Variants in ZXDC observed in about 807,000 individuals in gnomAD.
ZXDC encodes ZXD family zinc finger C.
ZXDC carries 58 observed loss-of-function variants against 63.6 expected under a neutral mutation model. The ratio of observed to expected loss-of-function variants is 0.91; its 90% CI spans 0.74 to 1.13. ZXDC has a LOEUF of 1.13. Ranked by LOEUF, ZXDC falls within the 50% of genes most tolerant of loss-of-function variation. The pLI is 0.00. For missense variants in ZXDC, 1,133 were observed against 1,148.9 expected (o/e 0.99, Z 0.20); for synonymous variants, 561 against 496.1 (o/e 1.13, Z -1.74).
Position 126,461,894 on chromosome 3 carries a change from C to A in ZXDC, c.1768G>T (p.Val590Phe). The A allele has an allele frequency of 6.2e-7, 1 of 1,614,232 alleles. No individual in the cohort carries two copies. ...ACACTGAAGCTGCCCTGCTGCAGAA[C>A]CGTGGCTGCTGTCCCGAGAACCAGA... ...SPLVLGTAAT[V>F]LQQGSFSVDD... The change falls in exon 6 of 10, where the codon GTT (valine) becomes TTT (phenylalanine). Residue 590 changes from valine (V) to phenylalanine (F), a missense_variant. Physicochemically the swap from Val to Phe is conservative, Grantham distance 50. Coordinates refer to ENST00000389709, the MANE Select transcript of ZXDC (RefSeq NM_025112.5).
At chr3:126,450,302 T>A (rs1265589415) in intron 7 of ZXDC, 2 of 456,388 alleles carry the variant, frequency 4.4e-6, no homozygotes, top group Non-Finnish European at 4.4e-6. Flanking sequence ...GGCAAAATTC[T>A]CCTGCCCCTA....
At chr3:126,457,622 A>C (rs2107643248) in intron 7 of ZXDC, 1 of 985,498 alleles carries the variant, frequency 1.0e-6, no homozygotes, top group South Asian at 4.7e-5. Flanking sequence ...CAGGATGCTA[A>C]GAAACTCACA....
At chr3:126,460,736 TGAAA>T (rs1934493820) in intron 6 of ZXDC, 8 of 985,330 alleles carry the variant, frequency 8.1e-6, no homozygotes, top group East Asian at 1.1e-4. Flanking sequence ...CCTCTCTGAC[TGAAA>T]GAAATGAAAG....
intron 5 of ZXDC, among the ~76,000 whole-genome samples, chr3:126,463,260 G>A (rs752230251): frequency 1.3e-5 from 2 of 151,962 alleles, no homozygotes; most frequent in African/African-American, 2.4e-5. Flanking sequence ...TAGTAGAGAC[G>A]GGGTTTCACC....
chr3:126,452,031 A>G (rs753381240), intron 7 of ZXDC: 83 of 984,992 alleles, frequency 8.4e-5, no homozygotes, highest in Middle Eastern at 1.0e-3. Flanking sequence ...TGGAATTCTA[A>G]TATTTTTTTT....
chr3:126,438,612 GTTC>G, intron 9 of ZXDC, 151 bp from the exon 10 acceptor site: 1 of 615,088 alleles, frequency 1.6e-6, no homozygotes, highest in Middle Eastern at 2.6e-4. Flanking sequence ...CTAAACACAT[GTTC>G]TTTGATGAAA....
intron 7 of ZXDC, among the ~76,000 whole-genome samples, chr3:126,445,841 G>GA (rs1933864906): frequency 6.6e-6 from 1 of 152,150 alleles, no homozygotes; most frequent in African/African-American, 2.4e-5. Flanking sequence ...GGTACACCCT[G>GA]AAGTCTGGTG....
At chr3:126,441,335 A>G in intron 8 of ZXDC, 1 of 1,006,252 alleles carries the variant, frequency 9.9e-7, no homozygotes, top group Non-Finnish European at 1.2e-6. Flanking sequence ...AGTGCGCCAC[A>G]AGCAGGCCGC....
intron 5 of ZXDC, among the ~76,000 whole-genome samples, chr3:126,462,861 G>T (rs934975163): frequency 3.3e-5 from 5 of 152,170 alleles, no homozygotes; most frequent in African/African-American, 1.2e-4. Flanking sequence ...CTAGGCAGAT[G>T]CACAAGACTT....
At chr3:126,460,151 T>C (rs1934467540) in intron 6 of ZXDC, 14 of 985,176 alleles carry the variant, frequency 1.4e-5, no homozygotes, top group Non-Finnish European at 1.7e-5. Flanking sequence ...GGTCCCACCT[T>C]AGAGACCCAC....
Position 126,440,810 on chromosome 3 carries a change from C to G in ZXDC, c.2394+955G>C, listed in dbSNP as rs1687441. 7.5e-3 allele frequency: 7,414 copies of G among 986,562 alleles called. 363 individuals are homozygous for G. In the African/African-American group the frequency reaches 0.11, roughly 15 times the overall value. 61.1% of individuals were successfully genotyped at this position (986,562 alleles called of 1,614,324 possible). On this transcript the variant is annotated intron_variant, in intron 8 of 9. Transcript: ENST00000389709. Reference sequence around the variant, plus strand: ...AGCCTCTTCCCTGCCCCCTTCCCAGCCCACCTCTGCCCAGGCTGCCCCTCC... The same window carrying G: ...AGCCTCTTCCCTGCCCCCTTCCCAGGCCACCTCTGCCCAGGCTGCCCCTCC...
chr3:126,469,055 A>G (rs559991577), intron 4 of ZXDC, among the ~76,000 whole-genome samples: 1 of 152,206 alleles, frequency 6.6e-6, no homozygotes, highest in South Asian at 2.1e-4. Context: ...CTTCTCAACA[A>G]CCCTGGGAGG....
chr3:126,465,625 A>G (rs1934726181), intron 5 of ZXDC, among the ~76,000 whole-genome samples: 1 of 152,174 alleles, frequency 6.6e-6, no homozygotes. Flanking sequence ...AAAGTCAACA[A>G]AGTGAAACAT....
At chr3:126,450,697 A>G (rs1250811918) in intron 7 of ZXDC, 2 of 355,294 alleles carry the variant, frequency 5.6e-6, no homozygotes, top group East Asian at 1.5e-4. Context: ...ACAGGAAGAA[A>G]GGGGAGAAAA....
intron 8 of ZXDC, chr3:126,441,387 GC>G: frequency 9.5e-7 from 1 of 1,053,294 alleles, no homozygotes; most frequent in East Asian, 6.9e-5. Context: ...GAGCCCTTTT[GC>G]CCCAGCCCTG....
In ZXDC at chr3:126,470,961, C is replaced by A; in HGVS notation, c.1204G>T (p.Ala402Ser). The A allele has an allele frequency of 6.2e-7, 1 of 1,614,194 alleles. No individual in the cohort carries two copies. The highest frequency in any genetic ancestry group is 8.5e-7 in the Non-Finnish European group (1 of 1,180,038). Residue 402 changes from alanine (A) to serine (S), a missense_variant, in exon 4 of 10, where the codon GCA becomes TCA. Transcript: ENST00000389709. The part of the protein sequence containing the change: ...VEGCGKSFTR[A>S]EHLKGHSITH... Reference sequence around the variant, plus strand: ...ATGCTGTGGCCTTTCAGATGCTCTGCTCTGGTGAATGATTTCCCACAGCCC... The same window carrying A: ...ATGCTGTGGCCTTTCAGATGCTCTGATCTGGTGAATGATTTCCCACAGCCC...
At chr3:126,442,782 T>C (rs6783961) in intron 7 of ZXDC, 37,079 of 152,128 alleles carry the variant, frequency 0.24, 4,724 homozygotes, top group East Asian at 0.41. Context: ...CCTGGATGTG[T>C]GGGATCCAGC....
chr3:126,473,785 T>G (rs1013127277), intron 1 of ZXDC, among the ~76,000 whole-genome samples: 3 of 152,174 alleles, frequency 2.0e-5, no homozygotes, highest in Non-Finnish European at 2.9e-5. Flanking sequence ...ATATACAGGT[T>G]AGGGGCATGC....
intron 7 of ZXDC, among the ~76,000 whole-genome samples, chr3:126,458,236 AC>A (rs1484383482): frequency 4.6e-5 from 4 of 87,906 alleles, no homozygotes; most frequent in East Asian, 3.9e-4. Flanking sequence ...TAATGTCCTT[AC>A]TTTTTTTTTT....
Sources: allele counts gnomAD v4.1 joint callset (sites outside exome capture counted in the v4.1 genomes callset), GRCh38; gene constraint gnomAD v4.1.1; transcripts MANE v1.5; gene names NCBI Gene and HGNC (gene_info 2026-07-23, HGNC 2026-07-21).